ISM1: variants seen among roughly 807,000 people sequenced by gnomAD.
ISM1 encodes isthmin 1.
Under a neutral mutation model 46.3 loss-of-function variants are expected in ISM1, and 25 were observed. That is an observed-to-expected ratio of 0.54 (90% CI 0.39 to 0.75). ISM1 has a LOEUF of 0.75. Ranked by LOEUF, ISM1 falls within the 30% of genes least tolerant of loss-of-function variation. The pLI is 0.00. For synonymous variants in ISM1, 255 were observed against 256.7 expected, an observed-to-expected ratio of 0.99 and a Z score of 0.06; for missense variants, 536 against 625.4, an observed-to-expected ratio of 0.86 and a Z score of 1.52.
the ISM1 span, among the ~76,000 whole-genome samples, chr20:13,321,967 A>G: frequency 6.6e-6 from 1 of 152,160 alleles, no homozygotes. Context: ...TATGATCATA[A>G]CGATACTGTT....
chr20:13,323,434 G>A, the ISM1 span, among the ~76,000 whole-genome samples: 1 of 152,120 alleles, frequency 6.6e-6, no homozygotes, highest in African/African-American at 2.4e-5. Flanking sequence ...ATAACCCAGT[G>A]TGTTACCAAA....
At chr20:13,325,151 GC>G in the ISM1 span, among the ~76,000 whole-genome samples, 3 of 152,202 alleles carry the variant, frequency 2.0e-5, no homozygotes, top group Non-Finnish European at 2.9e-5. Flanking sequence ...CCACAGGACA[GC>G]CCGACAAATG....
intron 1 of ISM1, among the ~76,000 whole-genome samples, chr20:13,247,624 C>T (rs1421566959): frequency 6.6e-6 from 1 of 150,456 alleles, no homozygotes; most frequent in East Asian, 2.0e-4. Context: ...TTCTCAAAAC[C>T]CACCATCTAG....
At chr20:13,295,969 A>G (rs1254697830) in intron 5 of ISM1, among the ~76,000 whole-genome samples, 1 of 152,218 alleles carries the variant, frequency 6.6e-6, no homozygotes, top group Non-Finnish European at 1.5e-5. Flanking sequence ...ATGGCTCAGG[A>G]GCAACCTGGT....
chr20:13,256,756 A>G (rs751212218), intron 1 of ISM1, among the ~76,000 whole-genome samples: 3 of 152,316 alleles, frequency 2.0e-5, no homozygotes, highest in Non-Finnish European at 4.4e-5. Flanking sequence ...GAGCCAGGTG[A>G]CTTTGGCAGG....
At chr20:13,276,619 A>G (rs184748983) in intron 2 of ISM1, among the ~76,000 whole-genome samples, 61 of 152,320 alleles carry the variant, frequency 4.0e-4, no homozygotes, top group Non-Finnish European at 6.9e-4. Context: ...CACTTCAATT[A>G]TGTGTGTTAA....
chr20:13,294,574 A>G (rs1443345155), intron 5 of ISM1, among the ~76,000 whole-genome samples: 2 of 152,192 alleles, frequency 1.3e-5, no homozygotes, highest in Non-Finnish European at 2.9e-5. Flanking sequence ...AGCTGAGTAG[A>G]CATGGTGTCT....
At chr20:13,261,548 G>A (rs913016067) in intron 1 of ISM1, among the ~76,000 whole-genome samples, 3 of 152,102 alleles carry the variant, frequency 2.0e-5, no homozygotes, top group African/African-American at 7.2e-5. Context: ...AAGTGCAGAG[G>A]TGCAATAACT....
At chr20:13,307,369 A>C in the ISM1 span, among the ~76,000 whole-genome samples, 1 of 152,206 alleles carries the variant, frequency 6.6e-6, no homozygotes, top group Admixed American at 6.5e-5. Context: ...AAGTGAATAC[A>C]CCCATGTCAC....
chr20:13,277,643 CTT>C (rs33968434), intron 2 of ISM1, among the ~76,000 whole-genome samples: 8,390 of 145,570 alleles, frequency 0.058, 306 homozygotes, highest in Admixed American at 0.094. Flanking sequence ...CCCCCCTACC[CTT>C]TTTTTTTTTT....
intron 1 of ISM1, among the ~76,000 whole-genome samples, chr20:13,268,347 C>CCT (rs3041816): frequency 5.3e-4 from 35 of 66,660 alleles, no homozygotes; most frequent in Middle Eastern, 9.6e-3. Context: ...CCTTCTTCTT[C>CCT]CTCTCTCTCT....
At chr20:13,303,763 A>G (rs1278445061), downstream of ISM1, among the ~76,000 whole-genome samples, 1 of 152,244 alleles carries the variant, frequency 6.6e-6, no homozygotes, top group Non-Finnish European at 1.5e-5. Flanking sequence ...ACAGCGGTGT[A>G]CAAATCAAAG....
intron 1 of ISM1, among the ~76,000 whole-genome samples, chr20:13,248,569 G>C (rs1169590193): frequency 6.6e-6 from 1 of 152,202 alleles, no homozygotes; most frequent in East Asian, 1.9e-4. Flanking sequence ...TACCTCTTGA[G>C]CCAGGCCTCA....
At chr20:13,274,059 T>TTG (rs143496462) in intron 2 of ISM1, among the ~76,000 whole-genome samples, 15,928 of 150,432 alleles carry the variant, frequency 0.11, 906 homozygotes, top group African/African-American at 0.15. Context: ...TGGCGTGTAA[T>TTG]TGTGTGTGTG....
chr20:13,323,187 G>A, the ISM1 span, among the ~76,000 whole-genome samples: 1 of 152,152 alleles, frequency 6.6e-6, no homozygotes, highest in Non-Finnish European at 1.5e-5. Context: ...TTGCTACAAA[G>A]AATAAGAGAG....
intron 1 of ISM1, among the ~76,000 whole-genome samples, chr20:13,249,779 C>CGTTTT (rs33933656): frequency 0.016 from 2,249 of 141,756 alleles, 27 homozygotes; most frequent in Middle Eastern, 0.049. Flanking sequence ...TTTTTTGTTG[C>CGTTTT]GTTTTGTTTT....
the ISM1 span, among the ~76,000 whole-genome samples, chr20:13,320,861 C>T: frequency 1.3e-5 from 2 of 152,222 alleles, no homozygotes; most frequent in East Asian, 1.9e-4. Context: ...TTGACTAGAA[C>T]GTAGTCATAT....
chr20:13,299,291 G>A lies in ISM1; in HGVS notation c.1227G>A (p.Glu409=), dbSNP rs761644256. The A allele has an allele frequency of 6.2e-7, 1 of 1,613,036 alleles. No homozygotes were observed. Among genetic ancestry groups the A allele is most frequent in the Non-Finnish European group, 8.5e-7 (1 of 1,179,430 alleles). Reference sequence around the variant, plus strand: ...GCACGCCCAACCTCATCAGCACCGAGTTCTCCGCGGAGCTCCACTACAAGG... The same window carrying A: ...GCACGCCCAACCTCATCAGCACCGAATTCTCCGCGGAGCTCCACTACAAGG... ...GAGTPNLIST[E]FSAELHYKVD... is the part of the protein sequence containing the mutation. Residue 409 remains glutamate (E), a synonymous_variant, in exon 6 of 6, where the codon GAG becomes GAA. Coordinates refer to ENST00000262487, the MANE Select transcript of ISM1 (RefSeq NM_080826.2). The surrounding 1 kb of genome is among the most constrained non-coding windows in gnomAD (Gnocchi z 5.8).
downstream of ISM1, among the ~76,000 whole-genome samples, chr20:13,303,612 A>G (rs2040476627): frequency 6.6e-6 from 1 of 152,172 alleles, no homozygotes; most frequent in African/African-American, 2.4e-5. Flanking sequence ...AGGGCTTAAG[A>G]GTTTGAGGGT....
Sources: gnomAD v4.1 joint callset for allele counts (sites outside exome capture counted in the v4.1 genomes callset) on GRCh38, gnomAD v4.1.1 for gene constraint, Gnocchi (gnomAD v3.1) non-coding constraint, MANE v1.5 for transcripts, NCBI Gene and HGNC (gene_info 2026-07-23, HGNC 2026-07-21) for gene names.